Variants in NT5C1B observed in about 807,000 individuals in gnomAD.
NT5C1B encodes the protein 5'-nucleotidase, cytosolic IB, also known as cytosolic 5'-nucleotidase 1B.
A neutral mutation model predicts 57.8 loss-of-function variants in NT5C1B; 44 were observed. That is an observed-to-expected ratio of 0.76 (90% confidence interval 0.60 to 0.98). The LOEUF (loss-of-function observed/expected upper bound fraction) is 0.98. Ranked by LOEUF, NT5C1B falls within the 50% of genes least tolerant of loss-of-function variation. NT5C1B has a pLI of 0.00. For synonymous variants in NT5C1B, 284 were observed against 282.6 expected (o/e 1.00, Z -0.05); for missense variants, 742 against 719.5 (o/e 1.03, Z -0.36).
rs1442072238 is a variant in NT5C1B at position 18,584,778 on chromosome 2, C to G, written c.459G>C (p.Pro153=). The change falls in exon 4 of 9, where the codon CCG becomes CCC. Residue 153 remains proline (P), a synonymous_variant. Transcript: ENST00000304081. The surrounding 1 kb of genome is among the most constrained non-coding windows in gnomAD (Gnocchi z 5.8). ...GCACGATGCCTTGGGCCCAGGCCTC[C>G]GGATTCTCTTGCATTTTGGTGCTGC... 3 of 1,613,614 alleles carry G rather than the reference C, an allele frequency of 1.9e-6. No homozygotes were observed. The highest frequency in any genetic ancestry group is 2.5e-6 in the Non-Finnish European group (3 of 1,179,838).
chr2:18,581,925 A>G (rs879473181), intron 6 of NT5C1B, among the ~76,000 whole-genome samples: 1 of 152,230 alleles, frequency 6.6e-6, no homozygotes, highest in Admixed American at 6.5e-5. Context: ...GTTCATCAGC[A>G]GAATTAACAG....
In NT5C1B at chr2:18,564,135, A is replaced by G; in HGVS notation, c.1330-16T>C. On this transcript the variant is annotated splice_polypyrimidine_tract_variant and intron_variant, in intron 8 of 8. Coordinates refer to ENST00000304081, the Ensembl canonical transcript of NT5C1B. ...TTAGGGGACCCTGTAAAAGGAACAT[A>G]TATCACAGCTGTGATACAGTGAGCC... 6.5e-7 allele frequency: 1 copy of G among 1,540,412 alleles called. No individual in the cohort carries two copies. The highest frequency in any genetic ancestry group is 2.3e-5 in the East Asian group (1 of 44,140).
At chr2:18,586,431 TCAC>T (rs1343951623) in intron 2 of NT5C1B, 40 bp from the exon 3 acceptor site, 2 of 1,609,358 alleles carry the variant, frequency 1.2e-6, no homozygotes, top group Non-Finnish European at 1.7e-6. Context: ...TAAAACCCCA[TCAC>T]CAACTCCTTC....
intron 1 of NT5C1B, 116 bp downstream of exon 1, chr2:18,589,323 A>T: frequency 7.2e-7 from 1 of 1,388,284 alleles, no homozygotes; most frequent in Non-Finnish European, 1.0e-6. Context: ...CCTCTACCTG[A>T]AGCCATTATC....
intron 8 of NT5C1B, among the ~76,000 whole-genome samples, chr2:18,575,234 G>T (rs1291393010): frequency 6.6e-6 from 1 of 151,986 alleles, no homozygotes; most frequent in Admixed American, 6.6e-5. Context: ...TTAATAGTAA[G>T]CTTTGTTAAT....
chr2:18,572,893 T>G (rs1665334759), intron 8 of NT5C1B, among the ~76,000 whole-genome samples: 1 of 152,214 alleles, frequency 6.6e-6, no homozygotes, highest in African/African-American at 2.4e-5. Flanking sequence ...TTTTACTGTA[T>G]CTCATCAAAT....
chr2:18,563,543 T>G (rs757982445), exon 9 of NT5C1B: 3 of 341,292 alleles, frequency 8.8e-6, no homozygotes, highest in Non-Finnish European at 1.1e-5. Flanking sequence ...AAACTTATCC[T>G]AAAGAGTCAT....
At chr2:18,563,671 C>T in exon 9 of NT5C1B, 5 of 1,124,890 alleles carry the variant, frequency 4.4e-6, no homozygotes, top group Non-Finnish European at 6.0e-6. Flanking sequence ...CAGGAGAAAA[C>T]CTTTCCAAAG....
intron 8 of NT5C1B, among the ~76,000 whole-genome samples, chr2:18,571,718 G>GTGTATATA (rs1246189018): frequency 1.9e-4 from 21 of 111,430 alleles, no homozygotes; most frequent in East Asian, 1.0e-3. Context: ...CTGTGTGTGT[G>GTGTATATA]TATATATATA....
intron 8 of NT5C1B, among the ~76,000 whole-genome samples, chr2:18,569,110 GTT>G (rs1664918585): frequency 6.6e-6 from 1 of 152,188 alleles, no homozygotes; most frequent in Non-Finnish European, 1.5e-5. Flanking sequence ...GAGAGGCAGA[GTT>G]TGGCAGTTCG....
chr2:18,569,107 A>G (rs995207538), intron 8 of NT5C1B, among the ~76,000 whole-genome samples: 3 of 152,230 alleles, frequency 2.0e-5, no homozygotes, highest in Non-Finnish European at 4.4e-5. Flanking sequence ...CATGAGAGGC[A>G]GAGTTTGGCA....
chr2:18,587,205 A>G (rs750642860), intron 2 of NT5C1B: 3 of 1,593,262 alleles, frequency 1.9e-6, no homozygotes, highest in African/African-American at 2.7e-5. Flanking sequence ...GGTCAATGCC[A>G]TGGCCAGACC....
chr2:18,575,767 C>T (rs1039533663), intron 8 of NT5C1B, among the ~76,000 whole-genome samples: 3 of 152,110 alleles, frequency 2.0e-5, no homozygotes, highest in African/African-American at 2.4e-5. Context: ...CTCAATTAAG[C>T]GATGCCTTTC....
chr2:18,563,897 G>T, exon 9 of NT5C1B: 1 of 1,613,994 alleles, frequency 6.2e-7, no homozygotes, highest in South Asian at 1.1e-5. Context: ...ATGTGGGGCC[G>T]GATCTTCACC....
intron 8 of NT5C1B, among the ~76,000 whole-genome samples, chr2:18,567,205 A>C (rs1039350206): frequency 1.3e-5 from 2 of 152,044 alleles, no homozygotes; most frequent in Non-Finnish European, 2.9e-5. Context: ...GGAGGAGGGG[A>C]GCAGCTGCCA....
intron 8 of NT5C1B, among the ~76,000 whole-genome samples, chr2:18,568,830 T>G (rs1209569558): frequency 6.6e-6 from 1 of 152,184 alleles, no homozygotes; most frequent in Non-Finnish European, 1.5e-5. Flanking sequence ...GTCCTGCCTT[T>G]CCAGACCGAA....
rs1438690162 is a variant in NT5C1B at position 18,587,490 on chromosome 2, G to A, written c.120+13C>T. 1.9e-6 allele frequency: 3 copies of A among 1,612,326 alleles called. No homozygotes were observed. Among genetic ancestry groups the A allele is most frequent in the East Asian group, 2.2e-5 (1 of 44,880 alleles). On this transcript the variant is annotated intron_variant, in intron 2 of 8. Transcript: ENST00000304081. ...CCTTAATTTCCTCACCTCTGCTACA[G>A]AGATCAGCTCACCTGATTGCTCAGA... is the stretch of plus-strand genomic sequence containing the variant.
rs1438297128 is a variant in NT5C1B at position 18,571,706 on chromosome 2, C to CTGTGTG, written c.1329+4477_1329+4478insCACACA. On this transcript the variant is annotated intron_variant, in intron 8 of 8. Transcript: ENST00000304081. ...CAGACTGTACTCTCTCTCTCTTTCT[C>CTGTGTG]TCTGTGTGTGTGTATATATATATAT... Among the ~76,000 whole-genome samples, 343 of 104,446 alleles carry CTGTGTG rather than the reference C, an allele frequency of 3.3e-3. 4 individuals are homozygous for CTGTGTG. Among genetic ancestry groups the CTGTGTG allele is most frequent in the African/African-American group, 0.018 (321 of 17,740 alleles). 68.5% of individuals were successfully genotyped at this position (104,446 alleles called of 152,430 possible).
At chr2:18,571,706 C>CTGTGTGTG (rs1438297128) in intron 8 of NT5C1B, among the ~76,000 whole-genome samples, 14 of 104,538 alleles carry the variant, frequency 1.3e-4, no homozygotes, top group African/African-American at 7.3e-4. Context: ...CTCTCTTTCT[C>CTGTGTGTG]TCTGTGTGTG....
Sources: gnomAD v4.1 joint callset for allele counts (sites outside exome capture counted in the v4.1 genomes callset) on GRCh38, gnomAD v4.1.1 for gene constraint, Gnocchi (gnomAD v3.1) non-coding constraint, MANE v1.5 for transcripts, NCBI Gene and HGNC (gene_info 2026-07-23, HGNC 2026-07-21) for gene names.